The following SF3B1 variants were observed in gnomAD, a reference collection of about 807,000 sequenced individuals.
The protein encoded by SF3B1 is pre-mRNA processing 10.
Under a neutral mutation model 153.8 loss-of-function variants are expected in SF3B1, and 12 were observed. The observed-to-expected ratio is 0.08, with a 90% CI of 0.05 to 0.13. The LOEUF (loss-of-function observed/expected upper bound fraction) is 0.13. Among genes scored for constraint, SF3B1 ranks in the 10% least tolerant of loss-of-function variants. The probability of loss-of-function intolerance (pLI) is 1.00; values close to 1 mark genes in which losing one functional copy is unlikely to be tolerated. For synonymous variants in SF3B1, 498 were observed against 525.2 expected (o/e 0.95, Z 0.71); for missense variants, 513 against 1,606.1 (o/e 0.32, Z 11.63).
At position 197,394,634 on chromosome 2, in the gene SF3B1, G is replaced by A. The variant is rs1260301873; in HGVS notation, c.3539+1422C>T. ...GAAAATGAGTTTCCAGGCCGGGCAC[G>A]GTGGCTCACGCCTGTAATCCCAGCA... On this transcript the variant is annotated intron_variant, in intron 23 of 24. Coordinates refer to ENST00000335508, the MANE Select transcript of SF3B1 (RefSeq NM_012433.4). 6.6e-5 allele frequency among the ~76,000 whole-genome samples: 10 copies of A among 152,152 alleles called. No individual in the cohort carries two copies. The South Asian group carries it at 8.3e-4, about 13-fold the overall frequency.
intron 12 of SF3B1, among the ~76,000 whole-genome samples, 165 bp downstream of exon 12, chr2:197,403,411 TACGGCAAAG>T (rs926113523): frequency 1.3e-5 from 2 of 152,222 alleles, no homozygotes; most frequent in Admixed American, 1.3e-4. Context: ...ATGAACCTCT[TACGGCAAAG>T]ATGACAAAAA....
intron 9 of SF3B1, among the ~76,000 whole-genome samples, chr2:197,407,530 G>A (rs930831264): frequency 1.3e-5 from 2 of 151,638 alleles, no homozygotes; most frequent in Admixed American, 6.6e-5. Context: ...GCTTAAACCT[G>A]GGAGGCGGAG....
At chr2:197,418,414 G>T in intron 5 of SF3B1, 95 bp downstream of exon 5, 1 of 846,828 alleles carries the variant, frequency 1.2e-6, no homozygotes. Context: ...TATTATTTGT[G>T]CAGCAAATAG....
At chr2:197,404,837 T>C (rs934181866) in intron 11 of SF3B1, 6 of 363,902 alleles carry the variant, frequency 1.6e-5, no homozygotes, top group African/African-American at 4.3e-5. Context: ...AGTTCACTAC[T>C]ATTTTGTGGT....
chr2:197,402,981 C>T lies in SF3B1; in HGVS notation c.1774G>A (p.Glu592Lys), dbSNP rs2084950576. Residue 592 changes from glutamate to lysine, a missense_variant, in exon 13 of 25, where the codon GAA (glutamate) becomes AAA (lysine). This residue lies in a region of SF3B1 where 34 missense variants were observed against 190.8 expected (regional missense o/e 0.18). Coordinates refer to ENST00000335508, the MANE Select transcript of SF3B1 (RefSeq NM_012433.4). This position sits in a 1 kb window ranked among gnomAD's most constrained non-coding sequence, Gnocchi z 4.6. ...AAATTAGAAATGATCTCTCGGCCTT[C>T]CACTCTAGCATAGTAATCTTCATCA... ...LIDEDYYARV[E>K]GREIISNLAK... is the part of the protein sequence containing the mutation. 6.2e-7 allele frequency: 1 copy of T among 1,613,928 alleles called. No individual in the cohort carries two copies. Among genetic ancestry groups the T allele is most frequent in the Non-Finnish European group, 8.5e-7 (1 of 1,179,904 alleles).
intron 3 of SF3B1, 148 bp from the exon 4 acceptor site, chr2:197,420,690 T>TA (rs2085226237): frequency 5.3e-6 from 3 of 560,992 alleles, no homozygotes; most frequent in African/African-American, 3.8e-5. Flanking sequence ...ATGTTAAATA[T>TA]AAAAAAATAA....
At chr2:197,410,410 A>G (rs923150908) in intron 6 of SF3B1, among the ~76,000 whole-genome samples, 1 of 152,156 alleles carries the variant, frequency 6.6e-6, no homozygotes, top group Non-Finnish European at 1.5e-5. Flanking sequence ...GGGGAGAAGG[A>G]ATTCGTGTGT....
rs373475459 is a variant in SF3B1, at chr2:197,423,937, C to G, written c.66G>C (p.Lys22Asn). The change falls in exon 2 of 25, where the codon AAG (lysine) becomes AAC (asparagine). Residue 22 changes from lysine to asparagine, a missense_variant. By Grantham distance (94) the Lys-to-Asn change is moderately conservative. This residue lies in a region of SF3B1 where 27 missense variants were observed against 26.7 expected (regional missense o/e 1.01). Transcript: ENST00000335508. ...CTCCTTGAGCTTCATCAAGAGCTGC[C>G]TTCTTGCCTTGAATTTCTCGAATCT... ...EAQIREIQGK[K>N]AALDEAQGVG... is the part of the protein sequence containing the mutation. 3.7e-6 allele frequency: 6 copies of G among 1,610,710 alleles called. No individual in the cohort carries two copies. The highest frequency in any genetic ancestry group is 5.1e-6 in the Non-Finnish European group (6 of 1,179,276).
intron 1 of SF3B1, 42 bp from the exon 2 acceptor site, chr2:197,424,016 AAAG>A (rs1268238700): frequency 3.9e-6 from 6 of 1,528,344 alleles, no homozygotes; most frequent in Non-Finnish European, 5.4e-6. Flanking sequence ...TCACTTTCCA[AAAG>A]AACTCCCAAC....
At chr2:197,392,869 A>G in intron 24 of SF3B1, 103 bp downstream of exon 24, 1 of 688,286 alleles carries the variant, frequency 1.5e-6, no homozygotes, top group Non-Finnish European at 2.5e-6. Flanking sequence ...TGGCACATAT[A>G]TACCTATGTA....
chr2:197,391,354 ACTGT>A lies in SF3B1; in HGVS notation c.*945_*948del, dbSNP rs1195778974. 1 of 152,138 alleles carries A rather than the reference ACTGT, an allele frequency of 6.6e-6. No homozygotes were observed. Among genetic ancestry groups the A allele is most frequent in the African/African-American group, 2.4e-5 (1 of 41,420 alleles). 9.4% of individuals were successfully genotyped at this position (152,138 alleles called of 1,614,324 possible). A position where few individuals can be genotyped will look rare whatever the true frequency, so the allele number is the denominator to read the frequency against. On this transcript the variant is annotated 3_prime_UTR_variant, in exon 25 of 25. Transcript: ENST00000335508. ...AGGTTTGTCTCCCCTTCTCCATTAT[ACTGT>A]TCTTAAAGGTAGAGGGCAGGTCTCA...
intron 1 of SF3B1, among the ~76,000 whole-genome samples, chr2:197,430,878 GTA>G (rs2085418452): frequency 6.6e-6 from 1 of 151,912 alleles, no homozygotes; most frequent in Admixed American, 6.6e-5. Context: ...CTACTTTTCT[GTA>G]TGTTTGCAGT....
intron 22 of SF3B1, among the ~76,000 whole-genome samples, chr2:197,396,872 A>G (rs56718086): frequency 0.43 from 65,654 of 152,056 alleles, 14,668 homozygotes; most frequent in South Asian, 0.59. Context: ...CTATTCTTGC[A>G]AATGTCTTGA....
At position 197,419,269 on chromosome 2, in the gene SF3B1, T is replaced by G. The variant is rs918829171; in HGVS notation, c.416-681A>C. On this transcript the variant is annotated intron_variant, in intron 4 of 24. Transcript: ENST00000335508. ...TAAATATATTACTTCTACCAGTTAT[T>G]ATGATGCACACAGAAGCAACGTGGT... The G allele has an allele frequency of 6.3e-5, 21 of 335,852 alleles. No individual in the cohort carries two copies. In the Admixed American group the frequency reaches 8.0e-4, roughly 13 times the overall value. 20.8% of individuals were successfully genotyped at this position (335,852 alleles called of 1,614,324 possible). A position where few individuals can be genotyped will look rare whatever the true frequency, so the allele number is the denominator to read the frequency against.
At position 197,409,892 on chromosome 2, in the gene SF3B1, G is replaced by T; in HGVS notation, c.782C>A (p.Thr261Lys). ...SKIWDPTPSH[T>K]PAGAATPGRG... ...TCCAGGAGTAGCAGCTCCCGCTGGT[G>T]TGTGGCTAGGTGTAGGATCCCATAT... is the stretch of plus-strand genomic sequence containing the variant. Residue 261 changes from threonine (T) to lysine (K), a missense_variant, in exon 7 of 25, where the codon ACA becomes AAA. Physicochemically the swap from Thr to Lys is moderately conservative, Grantham distance 78. Transcript: ENST00000335508. 6.2e-7 allele frequency: 1 copy of T among 1,614,194 alleles called. No individual in the cohort carries two copies. Among genetic ancestry groups the T allele is most frequent in the Non-Finnish European group, 8.5e-7 (1 of 1,180,036 alleles).
At position 197,404,533 on chromosome 2, in the gene SF3B1, C is replaced by T. The variant is rs369865828; in HGVS notation, c.1539+543G>A. On this transcript the variant is annotated intron_variant, in intron 11 of 24. Transcript: ENST00000335508. Reference sequence around the variant, plus strand: ...CGGAGGTTGCAGTGAGCCAAGACTACACCACTGCACTCCAGCCTGGGCAAG... The same window carrying T: ...CGGAGGTTGCAGTGAGCCAAGACTATACCACTGCACTCCAGCCTGGGCAAG... 1.2e-3 allele frequency among the ~76,000 whole-genome samples: 184 copies of T among 152,172 alleles called. 5 individuals carry two copies. In the South Asian group the frequency reaches 0.03, roughly 25 times the overall value.
Position 197,401,957 on chromosome 2 carries a change from T to G in SF3B1, c.2223+28A>C. The G allele has an allele frequency of 3.1e-6, 5 of 1,604,974 alleles. No individual in the cohort carries two copies. The highest frequency in any genetic ancestry group is 4.2e-6 in the Non-Finnish European group (5 of 1,177,650). ...TATGTCGCCTTAACTTTAATGAAGA[T>G]AAATCAAAAGGTAATTGGTGGATTT... is the stretch of plus-strand genomic sequence containing the variant. On this transcript the variant is annotated intron_variant, in intron 15 of 24. Coordinates refer to ENST00000335508, the MANE Select transcript of SF3B1 (RefSeq NM_012433.4). The surrounding 1 kb of genome is among the most constrained non-coding windows in gnomAD (Gnocchi z 4.2).
chr2:197,416,212 C>T (rs1320364949), intron 6 of SF3B1, among the ~76,000 whole-genome samples: 2 of 151,794 alleles, frequency 1.3e-5, no homozygotes, highest in South Asian at 2.1e-4. Flanking sequence ...TAGTGAGGGG[C>T]TTAAGTTATC....
intron 1 of SF3B1, among the ~76,000 whole-genome samples, chr2:197,434,500 G>C (rs575131768): frequency 8.1e-4 from 123 of 152,340 alleles, no homozygotes; most frequent in African/African-American, 2.9e-3. Context: ...GACGCTTGAA[G>C]ACACACAAGG....
Sources: allele counts gnomAD v4.1 joint callset (sites outside exome capture counted in the v4.1 genomes callset), GRCh38; gene constraint gnomAD v4.1.1; regional missense constraint gnomAD v4.1.1; non-coding constraint Gnocchi (gnomAD v3.1); transcripts MANE v1.5; gene names NCBI Gene and HGNC (gene_info 2026-07-23, HGNC 2026-07-21).